GPT2: variants seen among roughly 807,000 people sequenced by gnomAD.
GPT2 encodes alanine aminotransferase 2.
In GPT2, 30 loss-of-function variants were observed where a neutral mutation model predicts 56.9. The ratio of observed to expected loss-of-function variants is 0.53; its 90% CI spans 0.39 to 0.72. GPT2 has a LOEUF of 0.72. Ranked by LOEUF, GPT2 falls within the 30% of genes least tolerant of loss-of-function variation. The pLI is 0.00. For synonymous variants in GPT2, 271 were observed against 283.1 expected (o/e 0.96, Z 0.43); for missense variants, 542 against 703.4 (o/e 0.77, Z 2.60).
intron 11 of GPT2, among the ~76,000 whole-genome samples, chr16:46,928,520 G>A (rs1257320445): frequency 6.6e-6 from 1 of 151,942 alleles, no homozygotes; most frequent in Non-Finnish European, 1.5e-5. Context: ...CTACTCGGGA[G>A]GCTGAGGCAG....
Position 46,909,886 on chromosome 16 carries a change from A to T in GPT2, c.779A>T (p.Asp260Val). 6.2e-7 allele frequency: 1 copy of T among 1,613,926 alleles called. No individual in the cohort carries two copies. Among genetic ancestry groups the T allele is most frequent in the Non-Finnish European group, 8.5e-7 (1 of 1,179,910 alleles). The change falls in exon 6 of 12, where the codon GAT becomes GTT. Residue 260 changes from aspartate to valine, a missense_variant. Asp to Val is a radical substitution (Grantham distance 152). Coordinates refer to ENST00000340124, the MANE Select transcript of GPT2 (RefSeq NM_133443.4). Reference protein sequence around the residue: ...RAVQEAKDHCDPKVLCIINPG... With the variant: ...RAVQEAKDHCVPKVLCIINPG... ...GTGCAGGAGGCCAAAGACCACTGTGATCCTAAGGTGCTCTGCATAATCAAC... is the reference window on the plus strand; with the variant it reads ...GTGCAGGAGGCCAAAGACCACTGTGTTCCTAAGGTGCTCTGCATAATCAAC...
chr16:46,922,324 C>T lies in GPT2; in HGVS notation c.1120C>T (p.Arg374Cys), dbSNP rs781284492. The T allele has an allele frequency of 3.1e-6, 5 of 1,614,124 alleles. No homozygotes were observed. The highest frequency in any genetic ancestry group is 1.7e-5 in the Admixed American group (1 of 60,012). Residue 374 changes from arginine to cysteine, a missense_variant, in exon 9 of 12, where the codon CGC becomes TGC. Transcript: ENST00000340124. ...KGQLVKLLSV[R>C]LCPPVSGQAA... The stretch of plus-strand genomic sequence containing the variant: ...CCAGCTGGTGAAGCTGCTGTCGGTG[C>T]GCCTGTGCCCCCCAGTGTCTGGGCA...
chr16:46,923,192 C>T (rs187964660), intron 9 of GPT2, among the ~76,000 whole-genome samples: 90 of 152,244 alleles, frequency 5.9e-4, no homozygotes, highest in African/African-American at 2.0e-3. Context: ...CCGGGCGTAG[C>T]GGCTCATGCC....
intron 2 of GPT2, among the ~76,000 whole-genome samples, chr16:46,891,127 C>T (rs1960576876): frequency 6.6e-6 from 1 of 152,182 alleles, no homozygotes; most frequent in Non-Finnish European, 1.5e-5. Context: ...CCCGCCATGG[C>T]CTCCTAAAGT....
At position 46,922,414 on chromosome 16, in the gene GPT2, C is replaced by G. The variant is rs115352435; in HGVS notation, c.1210C>G (p.Arg404Gly). The G allele has an allele frequency of 3.1e-5, 50 of 1,607,772 alleles. No individual in the cohort carries two copies. The highest frequency in any genetic ancestry group is 3.3e-4 in the Middle Eastern group (2 of 6,018). ...AGEESFEQFSREKESVLGNLA... is the reference protein window; with the variant it reads ...AGEESFEQFSGEKESVLGNLA... Reference sequence around the variant, plus strand: ...AGAGGAGTCCTTTGAGCAATTCAGCCGAGTGAGTCCACTGTGATGCGTCTG... The same window carrying G: ...AGAGGAGTCCTTTGAGCAATTCAGCGGAGTGAGTCCACTGTGATGCGTCTG... Residue 404 changes from arginine (R) to glycine (G), a missense_variant and splice_region_variant, in exon 9 of 12, where the codon CGA becomes GGA. Physicochemically the swap from Arg to Gly is moderately radical, Grantham distance 125. Coordinates refer to ENST00000340124, the MANE Select transcript of GPT2 (RefSeq NM_133443.4).
At chr16:46,914,645 C>G (rs1961107323) in intron 6 of GPT2, among the ~76,000 whole-genome samples, 1 of 152,182 alleles carries the variant, frequency 6.6e-6, no homozygotes, top group Non-Finnish European at 1.5e-5. Flanking sequence ...CAGGAGACAC[C>G]AAAGCTGGTG....
chr16:46,894,155 G>A (rs1040289667), intron 2 of GPT2, among the ~76,000 whole-genome samples: 3 of 152,224 alleles, frequency 2.0e-5, no homozygotes, highest in African/African-American at 7.2e-5. Context: ...AAGAATGGAG[G>A]TGCTGTGTTC....
chr16:46,909,798 G>A lies in GPT2; in HGVS notation c.691G>A (p.Val231Met), dbSNP rs754924126. ...CATCTCTGAGCTCGACGCCATCCAGGTGAATTACTACCTGGACGAGGAGAA... is the reference window on the plus strand; with the variant it reads ...CATCTCTGAGCTCGACGCCATCCAGATGAATTACTACCTGGACGAGGAGAA... ...AVISELDAIQVNYYLDEENCW... is the reference protein window; with the variant it reads ...AVISELDAIQMNYYLDEENCW... Residue 231 changes from valine (V) to methionine (M), a missense_variant, in exon 6 of 12, where the codon GTG becomes ATG. Val to Met is a conservative substitution (Grantham distance 21). Transcript: ENST00000340124. 1.2e-6 allele frequency: 2 copies of A among 1,614,090 alleles called. No homozygotes were observed. The highest frequency in any genetic ancestry group is 2.2e-5 in the South Asian group (2 of 91,082).
At chr16:46,890,144 G>A (rs765784359) in intron 2 of GPT2, among the ~76,000 whole-genome samples, 6 of 152,202 alleles carry the variant, frequency 3.9e-5, no homozygotes, top group African/African-American at 7.2e-5. Context: ...TGTAGCTGCA[G>A]CTCCGGTTTC....
chr16:46,911,656 A>G (rs1230117297), intron 6 of GPT2, among the ~76,000 whole-genome samples: 3 of 152,176 alleles, frequency 2.0e-5, no homozygotes, highest in African/African-American at 7.2e-5. Context: ...CCACTGCCTC[A>G]GAAGCATGGT....
intron 4 of GPT2, among the ~76,000 whole-genome samples, chr16:46,906,113 C>T (rs1033061616): frequency 6.6e-6 from 1 of 152,042 alleles, no homozygotes; most frequent in Non-Finnish European, 1.5e-5. Context: ...CAGGGTTTCA[C>T]TCCAGGCTGG....
chr16:46,897,834 C>G (rs1960714044), intron 3 of GPT2, 97 bp downstream of exon 3: 1 of 997,498 alleles, frequency 1.0e-6, no homozygotes, highest in African/African-American at 1.6e-5. Flanking sequence ...ATGTCCAGGC[C>G]CTCCCAGCCT....
intron 2 of GPT2, among the ~76,000 whole-genome samples, chr16:46,891,739 C>G (rs912879527): frequency 2.0e-5 from 3 of 151,698 alleles, no homozygotes; most frequent in Non-Finnish European, 4.4e-5. Flanking sequence ...GGTATCCATC[C>G]CCTCCAGCAT....
In GPT2 at chr16:46,926,907, C is replaced by T. The variant is rs759381312; in HGVS notation, c.1369-18C>T. 2.0e-6 allele frequency: 3 copies of T among 1,484,556 alleles called. No homozygotes were observed. The highest frequency in any genetic ancestry group is 2.7e-5 in the South Asian group (2 of 75,432). The allele number at this position is 1,484,556 out of a possible 1,614,324, so 92.0% of individuals were successfully genotyped here. A position where few individuals can be genotyped will look rare whatever the true frequency, so the allele number is the denominator to read the frequency against. The stretch of plus-strand genomic sequence containing the variant: ...TTGCAAAGCCAGGAATGATCATGAG[C>T]TCTGTCTGCTCCCATAGGCCCATCA... On this transcript the variant is annotated intron_variant, in intron 10 of 11. Coordinates refer to ENST00000340124, the MANE Select transcript of GPT2 (RefSeq NM_133443.4).
chr16:46,891,947 C>T (rs1391254929), intron 2 of GPT2, among the ~76,000 whole-genome samples: 2 of 151,738 alleles, frequency 1.3e-5, no homozygotes, highest in East Asian at 3.9e-4. Flanking sequence ...GGGAACCATC[C>T]TTCTATGCTC....
Position 46,926,122 on chromosome 16 carries a change from C to T in GPT2, c.1369-803C>T, listed in dbSNP as rs372715657. On this transcript the variant is annotated intron_variant, in intron 10 of 11. Transcript: ENST00000340124. Reference sequence around the variant, plus strand: ...CTCCATCCTGGGCGACAGAGTGAGACTCTGTCTCAAAAAAAAAAAAAAAAA... The same window carrying T: ...CTCCATCCTGGGCGACAGAGTGAGATTCTGTCTCAAAAAAAAAAAAAAAAA... Among the ~76,000 whole-genome samples, 56 of 100,934 alleles carry T rather than the reference C, an allele frequency of 5.5e-4. 1 individual carries two copies. The highest frequency in any genetic ancestry group is 2.3e-3 in the African/African-American group (56 of 24,356). The allele number at this position is 100,934 out of a possible 152,430, so 66.2% of individuals were successfully genotyped here.
chr16:46,890,927 G>A (rs555971918), intron 2 of GPT2, among the ~76,000 whole-genome samples: 86 of 152,262 alleles, frequency 5.6e-4, no homozygotes, highest in African/African-American at 2.0e-3. Flanking sequence ...AGGCTGGAGT[G>A]CAATGGTGTG....
intron 3 of GPT2, among the ~76,000 whole-genome samples, chr16:46,898,947 CAT>C (rs10648872): frequency 6.6e-5 from 9 of 136,572 alleles, no homozygotes; most frequent in African/African-American, 2.6e-4. Flanking sequence ...TATACACACA[CAT>C]ATATGTGTAT....
rs193135984 is a variant in GPT2, at chr16:46,907,402, C to G, written c.576+427C>G. Among the ~76,000 whole-genome samples, 12 of 152,356 alleles carry G rather than the reference C, an allele frequency of 7.9e-5. No homozygotes were observed. In the East Asian group the frequency reaches 2.3e-3, roughly 29 times the overall value. The stretch of plus-strand genomic sequence containing the variant: ...ACATCACAAGCTTTTAGTTTCTCTT[C>G]TGCAGTAGAGAAGGACAGGGTGTTA... On this transcript the variant is annotated intron_variant, in intron 5 of 11. Transcript: ENST00000340124.
Sources: allele counts gnomAD v4.1 joint callset (sites outside exome capture counted in the v4.1 genomes callset), GRCh38; gene constraint gnomAD v4.1.1; transcripts MANE v1.5; gene names NCBI Gene and HGNC (gene_info 2026-07-23, HGNC 2026-07-21).